Variants in RTN1 observed in about 807,000 individuals in gnomAD.
RTN1 encodes reticulon 1.
In RTN1, 25 loss-of-function variants were observed where a neutral mutation model predicts 65.5. The ratio of observed to expected loss-of-function variants is 0.38; its 90% CI spans 0.28 to 0.53. RTN1 has a LOEUF of 0.53. RTN1 is among the 20% of genes least tolerant of loss of function. The pLI is 0.79. For synonymous variants in RTN1, 471 were observed against 447.6 expected (o/e 1.05, Z -0.66); for missense variants, 983 against 1,025.4 (o/e 0.96, Z 0.57).
chr14:59,855,454 T>C (rs191466677), intron 1 of RTN1, among the ~76,000 whole-genome samples: 1 of 152,322 alleles, frequency 6.6e-6, no homozygotes, highest in Non-Finnish European at 1.5e-5. Context: ...TGGGACTTTC[T>C]ATTTCTTTGC....
chr14:59,773,406 G>T (rs1885994160), intron 1 of RTN1, among the ~76,000 whole-genome samples: 1 of 152,114 alleles, frequency 6.6e-6, no homozygotes, highest in Non-Finnish European at 1.5e-5. Context: ...AAATGAAGAA[G>T]TATTATATGT....
At chr14:59,611,781 AC>A (rs1881958969) in intron 3 of RTN1, among the ~76,000 whole-genome samples, 1 of 151,686 alleles carries the variant, frequency 6.6e-6, no homozygotes, top group Non-Finnish European at 1.5e-5. Flanking sequence ...TGGAAGGGAT[AC>A]TCTTGGAGTT....
chr14:59,819,320 C>G lies in RTN1; in HGVS notation c.241+51070G>C, dbSNP rs1425030683. ...GGGTGGCGGGTCTTTATTCCCTTAT[C>G]TGGCCCCACCCACATCCTGCTGATT... On this transcript the variant is annotated intron_variant, in intron 1 of 8. Coordinates refer to ENST00000267484, the MANE Select transcript of RTN1 (RefSeq NM_021136.3). 2.7e-5 allele frequency among the ~76,000 whole-genome samples: 4 copies of G among 145,488 alleles called. No individual in the cohort carries two copies. In the Admixed American group the frequency reaches 2.8e-4, roughly 10 times the overall value.
intron 1 of RTN1, among the ~76,000 whole-genome samples, chr14:59,828,469 G>C (rs1803228152): frequency 6.6e-6 from 1 of 152,176 alleles, no homozygotes; most frequent in South Asian, 2.1e-4. Context: ...AGAGTACAGA[G>C]GGAAGACTGG....
At chr14:59,600,765 C>G (rs527867825) in intron 8 of RTN1, among the ~76,000 whole-genome samples, 1 of 152,222 alleles carries the variant, frequency 6.6e-6, no homozygotes, top group African/African-American at 2.4e-5. Flanking sequence ...AGCTCAATTA[C>G]AGAAGCCATA....
intron 1 of RTN1, among the ~76,000 whole-genome samples, chr14:59,798,764 C>T (rs557407721): frequency 7.2e-4 from 82 of 113,458 alleles, no homozygotes; most frequent in South Asian, 3.4e-3. Flanking sequence ...AAAATATTAA[C>T]GGGTTTCAGG....
chr14:59,745,574 A>T, intron 2 of RTN1, 134 bp downstream of exon 2: 1 of 694,028 alleles, frequency 1.4e-6, no homozygotes. Context: ...TAAATTAGTT[A>T]AACTAAATGA....
At chr14:59,771,030 G>C (rs1885947226) in intron 1 of RTN1, among the ~76,000 whole-genome samples, 1 of 151,192 alleles carries the variant, frequency 6.6e-6, no homozygotes, top group East Asian at 2.0e-4. Flanking sequence ...GGGCGACAGA[G>C]TGAGACTCCG....
chr14:59,727,260 G>A lies in RTN1; in HGVS notation c.1424C>T (p.Ser475Leu), dbSNP rs774510449. ...ELIIESCDAS[S>L]ASEESPKREQ... Reference sequence around the variant, plus strand: ...CCGCTTGGGGCTCTCCTCCGAGGCCGAGGAGGCGTCGCACGACTCGATGAT... The same window carrying A: ...CCGCTTGGGGCTCTCCTCCGAGGCCAAGGAGGCGTCGCACGACTCGATGAT... Residue 475 changes from serine (S) to leucine (L), a missense_variant, in exon 3 of 9, where the codon TCG (serine) becomes TTG (leucine). Physicochemically the swap from Ser to Leu is moderately radical, Grantham distance 145. Coordinates refer to ENST00000267484, the MANE Select transcript of RTN1 (RefSeq NM_021136.3). This position sits in a 1 kb window ranked among gnomAD's most constrained non-coding sequence, Gnocchi z 4.2. 6 of 1,520,678 alleles carry A rather than the reference G, an allele frequency of 3.9e-6. No homozygotes were observed. Among genetic ancestry groups the A allele is most frequent in the African/African-American group, 1.4e-5 (1 of 72,466 alleles). 94.2% of individuals were successfully genotyped at this position (1,520,678 alleles called of 1,614,324 possible). A position where few individuals can be genotyped will look rare whatever the true frequency, so the allele number is the denominator to read the frequency against.
chr14:59,614,439 C>T (rs1467809403), intron 3 of RTN1, among the ~76,000 whole-genome samples: 2 of 152,138 alleles, frequency 1.3e-5, no homozygotes, highest in African/African-American at 2.4e-5. Flanking sequence ...TATAAAAAAA[C>T]TCTAATTGGC....
chr14:59,746,274 A>G lies in RTN1; in HGVS notation c.449T>C (p.Leu150Ser). The G allele has an allele frequency of 6.2e-7, 1 of 1,613,494 alleles. No individual in the cohort carries two copies. The highest frequency in any genetic ancestry group is 8.5e-7 in the Non-Finnish European group (1 of 1,179,728). The change falls in exon 2 of 9, where the codon TTA (leucine) becomes TCA (serine). Residue 150 changes from leucine (L) to serine (S), a missense_variant. Around this residue, in one of 2 missense-constraint regions of RTN1, gnomAD observed 818 missense variants for 801.8 expected, o/e 1.02. Coordinates refer to ENST00000267484, the MANE Select transcript of RTN1 (RefSeq NM_021136.3). ...PEELGTPGPS[L>S]PDVPGIESRG... ...AGACTCTATCCCAGGCACATCTGGT[A>G]AGGAGGGGCCGGGTGTACCCAGCTC...
rs1886831771 is a variant in RTN1 at position 59,816,939 on chromosome 14, A to G, written c.241+53451T>C. 6.6e-6 allele frequency among the ~76,000 whole-genome samples: 1 copy of G among 152,200 alleles called. No individual in the cohort carries two copies. Among genetic ancestry groups the G allele is most frequent in the Non-Finnish European group, 1.5e-5 (1 of 68,038 alleles). On this transcript the variant is annotated intron_variant, in intron 1 of 8. Coordinates refer to ENST00000267484, the MANE Select transcript of RTN1 (RefSeq NM_021136.3). This position sits in a 1 kb window ranked among gnomAD's most constrained non-coding sequence, Gnocchi z 4.3. ...CAGAAAGAGACCGTGACTCAAAATC[A>G]ATTAATTAATAAATAAAATACACAG...
chr14:59,845,584 A>T (rs1887393835), intron 1 of RTN1, among the ~76,000 whole-genome samples: 1 of 152,170 alleles, frequency 6.6e-6, no homozygotes, highest in South Asian at 2.1e-4. Flanking sequence ...CACAAATCTG[A>T]GAGGGCTTTT....
intron 3 of RTN1, among the ~76,000 whole-genome samples, chr14:59,714,750 C>T (rs1884498471): frequency 6.6e-6 from 1 of 152,170 alleles, no homozygotes; most frequent in East Asian, 1.9e-4. Context: ...CACCTCTACC[C>T]ATTACAACAT....
At chr14:59,622,523 G>C (rs887296803) in intron 3 of RTN1, among the ~76,000 whole-genome samples, 13 of 152,028 alleles carry the variant, frequency 8.6e-5, no homozygotes, top group African/African-American at 3.1e-4. Context: ...GAGTAAGAAG[G>C]CTAGACAAAC....
At chr14:59,637,546 T>C (rs1328943474) in intron 3 of RTN1, among the ~76,000 whole-genome samples, 1 of 151,902 alleles carries the variant, frequency 6.6e-6, no homozygotes, top group Non-Finnish European at 1.5e-5. Flanking sequence ...ACCCCATCTC[T>C]ACTAAAAATA....
chr14:59,834,978 G>A (rs1013112987), intron 1 of RTN1, among the ~76,000 whole-genome samples: 2 of 152,210 alleles, frequency 1.3e-5, no homozygotes, highest in Non-Finnish European at 2.9e-5. Context: ...CCTACTTTAT[G>A]ATCCAGCCAT....
At chr14:59,759,953 T>A (rs749482423) in intron 1 of RTN1, among the ~76,000 whole-genome samples, 5 of 152,194 alleles carry the variant, frequency 3.3e-5, no homozygotes, top group Non-Finnish European at 7.3e-5. Context: ...AATTTGGGAA[T>A]TCCTATCCAG....
At chr14:59,784,171 G>A (rs944756582) in intron 1 of RTN1, among the ~76,000 whole-genome samples, 2 of 152,178 alleles carry the variant, frequency 1.3e-5, no homozygotes, top group Non-Finnish European at 2.9e-5. Context: ...AGGCGTGGTG[G>A]CTCATGCCTG....
Sources: gnomAD v4.1 joint callset for allele counts (sites outside exome capture counted in the v4.1 genomes callset) on GRCh38, gnomAD v4.1.1 for gene constraint, gnomAD v4.1.1 regional missense constraint, Gnocchi (gnomAD v3.1) non-coding constraint, MANE v1.5 for transcripts, NCBI Gene and HGNC (gene_info 2026-07-23, HGNC 2026-07-21) for gene names.